Variants in C3orf22 observed in about 807,000 individuals in gnomAD.
The protein encoded by C3orf22 is chromosome 3 open reading frame 22, also known as uncharacterized protein C3orf22.
A neutral mutation model predicts 10.8 loss-of-function variants in C3orf22; 7 were observed. That is an observed-to-expected ratio of 0.65 (90% CI 0.37 to 1.22). The LOEUF (loss-of-function observed/expected upper bound fraction) is 1.22, where lower values mean the gene tolerates loss of function less well. C3orf22 is among the 50% of genes most tolerant of loss of function. C3orf22 has a pLI of 0.02. For synonymous variants in C3orf22, 79 were observed against 78.9 expected, an observed-to-expected ratio of 1.00 and a Z score of 0.00; for missense variants, 173 against 177.0, an observed-to-expected ratio of 0.98 and a Z score of 0.13.
At chr3:126,542,634 G>T in intron 4 of C3orf22, 1 of 1,413,468 alleles carries the variant, frequency 7.1e-7, no homozygotes, top group East Asian at 2.9e-5. Flanking sequence ...CAAGACCCCC[G>T]GGGAATGCAG....
chr3:126,551,132 C>G (rs549270047), intron 3 of C3orf22, among the ~76,000 whole-genome samples: 1 of 150,940 alleles, frequency 6.6e-6, no homozygotes, highest in Non-Finnish European at 1.5e-5. Context: ...TGTGTGTGTG[C>G]GTGGCACTAC....
At chr3:126,546,948 T>A (rs1937079320), downstream of C3orf22, among the ~76,000 whole-genome samples, 1 of 152,270 alleles carries the variant, frequency 6.6e-6, no homozygotes, top group South Asian at 2.1e-4. Context: ...GATGACATGC[T>A]GCTTTTGTTC....
intron 1 of C3orf22, among the ~76,000 whole-genome samples, chr3:126,554,635 G>C (rs1937284895): frequency 6.6e-6 from 1 of 152,184 alleles, no homozygotes; most frequent in South Asian, 2.1e-4. Context: ...TGGAGGGTAA[G>C]GTCTGACCCC....
At chr3:126,547,202 G>A (rs1937082885), downstream of C3orf22, among the ~76,000 whole-genome samples, 1 of 152,168 alleles carries the variant, frequency 6.6e-6, no homozygotes, top group Non-Finnish European at 1.5e-5. Context: ...AGAGATGCAG[G>A]GCACAGGGCC....
intron 2 of C3orf22, among the ~76,000 whole-genome samples, chr3:126,552,865 T>C (rs1016572839): frequency 6.6e-6 from 1 of 152,246 alleles, no homozygotes; most frequent in African/African-American, 2.4e-5. Context: ...TTTTGCCTCT[T>C]TGGCCCGTGG....
chr3:126,536,882 C>T (rs1011083120), intron 4 of C3orf22, among the ~76,000 whole-genome samples: 1 of 125,084 alleles, frequency 8.0e-6, no homozygotes, highest in Non-Finnish European at 1.6e-5. Context: ...CTCTCTTTCT[C>T]ACACACACAC....
chr3:126,557,826 G>T (rs1357697607), intron 1 of C3orf22, among the ~76,000 whole-genome samples: 1 of 152,220 alleles, frequency 6.6e-6, no homozygotes, highest in Non-Finnish European at 1.5e-5. Context: ...CCACTGACTT[G>T]CCCACTAGTC....
chr3:126,558,258 C>T (rs1235128820), intron 1 of C3orf22, among the ~76,000 whole-genome samples: 2 of 152,228 alleles, frequency 1.3e-5, no homozygotes, highest in East Asian at 3.8e-4. Flanking sequence ...GATTTGCCTG[C>T]ATTCACACAG....
intron 4 of C3orf22, among the ~76,000 whole-genome samples, chr3:126,538,460 C>T (rs533748706): frequency 6.6e-6 from 1 of 152,336 alleles, no homozygotes; most frequent in African/African-American, 2.4e-5. Flanking sequence ...AGGCCACATT[C>T]CCCCCGAACC....
chr3:126,535,123 G>A (rs149000492), intron 4 of C3orf22, among the ~76,000 whole-genome samples: 222 of 142,734 alleles, frequency 1.6e-3, no homozygotes, highest in African/African-American at 5.1e-3. Flanking sequence ...GTCCTCAGCT[G>A]GAGACAGACA....
intron 4 of C3orf22, among the ~76,000 whole-genome samples, chr3:126,544,548 C>T (rs1426381552): frequency 1.3e-5 from 2 of 152,198 alleles, no homozygotes; most frequent in Non-Finnish European, 2.9e-5. Context: ...AGAGGCCACA[C>T]ATGCTGTGTT....
At chr3:126,557,652 C>G (rs1937382535) in intron 1 of C3orf22, among the ~76,000 whole-genome samples, 1 of 152,204 alleles carries the variant, frequency 6.6e-6, no homozygotes, top group Admixed American at 6.5e-5. Context: ...TGTCTGTGAG[C>G]CAGAACACAC....
At chr3:126,550,901 T>C (rs1372925445) in intron 3 of C3orf22, among the ~76,000 whole-genome samples, 1 of 152,110 alleles carries the variant, frequency 6.6e-6, no homozygotes, top group Non-Finnish European at 1.5e-5. Flanking sequence ...TGCCCCTGAC[T>C]CTAAGCCAGT....
chr3:126,528,782 A>G (rs1936586834), intron 5 of C3orf22, among the ~76,000 whole-genome samples: 1 of 152,134 alleles, frequency 6.6e-6, no homozygotes, highest in Non-Finnish European at 1.5e-5. Context: ...AGAGATCTCT[A>G]GTTCTCTCCC....
chr3:126,556,706 TCACA>T (rs776338083), intron 1 of C3orf22, among the ~76,000 whole-genome samples: 1,601 of 125,792 alleles, frequency 0.013, 9 homozygotes, highest in African/African-American at 0.027. Flanking sequence ...ACACACACAC[TCACA>T]CAGACTGACC....
chr3:126,532,705 T>A (rs1198572166), intron 4 of C3orf22, among the ~76,000 whole-genome samples: 1 of 152,242 alleles, frequency 6.6e-6, no homozygotes, highest in Non-Finnish European at 1.5e-5. Flanking sequence ...GAAATGTGAA[T>A]CCTCTAACTT....
At chr3:126,542,126 T>C in intron 4 of C3orf22, 1 of 1,570,452 alleles carries the variant, frequency 6.4e-7, no homozygotes, top group Non-Finnish European at 8.6e-7. Flanking sequence ...CGCGCGCCCC[T>C]ACAGCGCCGC....
chr3:126,541,875 TC>T, intron 4 of C3orf22: 1 of 1,598,846 alleles, frequency 6.3e-7, no homozygotes, highest in Non-Finnish European at 8.5e-7. Flanking sequence ...CATGGCCTGC[TC>T]TACTGCTACG....
At chr3:126,531,985 A>G (rs193049841) in intron 4 of C3orf22, among the ~76,000 whole-genome samples, 3 of 152,370 alleles carry the variant, frequency 2.0e-5, no homozygotes, top group African/African-American at 7.2e-5. Context: ...TTAAATAACC[A>G]TCCTCATGGT....
Sources: allele counts gnomAD v4.1 joint callset (sites outside exome capture counted in the v4.1 genomes callset), GRCh38; gene constraint gnomAD v4.1.1; transcripts MANE v1.5; gene names NCBI Gene and HGNC (gene_info 2026-07-23, HGNC 2026-07-21).